Variants in ZNF638 observed in about 807,000 individuals in gnomAD.
The protein encoded by ZNF638 is zinc finger protein 638.
In ZNF638, 46 loss-of-function variants were observed where a neutral mutation model predicts 195.6. The ratio of observed to expected loss-of-function variants is 0.24; its 90% CI spans 0.19 to 0.30. The LOEUF (loss-of-function observed/expected upper bound fraction) is 0.30, where lower values mean the gene tolerates loss of function less well. Among genes scored for constraint, ZNF638 ranks in the 10% least tolerant of loss-of-function variants. The probability of loss-of-function intolerance (pLI) is 1.00; values close to 1 mark genes in which losing one functional copy is unlikely to be tolerated. For missense variants in ZNF638, 2,440 were observed against 2,325.3 expected (o/e 1.05, Z -1.01); for synonymous variants, 845 against 772.0 (o/e 1.09, Z -1.57).
chr2:71,390,258 G>A (rs1057224102), intron 10 of ZNF638, among the ~76,000 whole-genome samples: 6 of 152,170 alleles, frequency 3.9e-5, no homozygotes, highest in Non-Finnish European at 2.9e-5. Flanking sequence ...GGCTTTCCTC[G>A]GTCAATTGGA....
At chr2:71,344,160 C>T (rs960297632) in intron 1 of ZNF638, among the ~76,000 whole-genome samples, 3 of 152,136 alleles carry the variant, frequency 2.0e-5, no homozygotes, top group Non-Finnish European at 4.4e-5. Flanking sequence ...AACAGCTTGC[C>T]CTCTACTTTT....
At chr2:71,384,736 C>G (rs981089286) in intron 10 of ZNF638, among the ~76,000 whole-genome samples, 2 of 148,996 alleles carry the variant, frequency 1.3e-5, no homozygotes, top group African/African-American at 5.2e-5. Context: ...ATAATATGTC[C>G]CCTTTTCTTT....
At chr2:71,331,915 C>T (rs1353989740) in intron 1 of ZNF638, 40 bp downstream of exon 1, 10 of 985,940 alleles carry the variant, frequency 1.0e-5, no homozygotes, top group Non-Finnish European at 1.1e-5. Context: ...GGTTGGAAGG[C>T]GGAGGCCGGT....
chr2:71,428,472 A>G, intron 24 of ZNF638, 75 bp from the exon 25 acceptor site: 2 of 1,334,032 alleles, frequency 1.5e-6, no homozygotes, highest in Non-Finnish European at 2.1e-6. Context: ...GTTGATTCAG[A>G]CAGTATAATA....
In ZNF638 at chr2:71,404,086, T is replaced by C. The variant is rs2080057325; in HGVS notation, c.2958+88T>C. The C allele has an allele frequency of 5.8e-6, 8 of 1,369,254 alleles. No individual in the cohort carries two copies. The South Asian group carries it at 6.1e-5, about 10-fold the overall frequency. 84.8% of individuals were successfully genotyped at this position (1,369,254 alleles called of 1,614,324 possible). A position where few individuals can be genotyped will look rare whatever the true frequency, so the allele number is the denominator to read the frequency against. On this transcript the variant is annotated intron_variant, in intron 17 of 27. Transcript: ENST00000264447. ...TGTTATGTTTTCTAGTTTTCCACTT[T>C]GGTTCACATTTTTCTCACAGACACT...
chr2:71,392,583 T>C (rs1013890928), intron 10 of ZNF638, among the ~76,000 whole-genome samples: 7 of 152,126 alleles, frequency 4.6e-5, no homozygotes, highest in African/African-American at 1.7e-4. Flanking sequence ...TTATCACACA[T>C]ATTCGAGCAC....
chr2:71,427,368 T>A lies in ZNF638; in HGVS notation c.5499T>A (p.Asn1833Lys), dbSNP rs2080560233. 1 of 1,589,120 alleles carries A rather than the reference T, an allele frequency of 6.3e-7. No homozygotes were observed. Among genetic ancestry groups the A allele is most frequent in the South Asian group, 1.2e-5 (1 of 85,982 alleles). Residue 1833 changes from asparagine to lysine, a missense_variant, in exon 24 of 28, where the codon AAT (asparagine) becomes AAA (lysine). Transcript: ENST00000264447. The stretch of plus-strand genomic sequence containing the variant: ...CCCAAGTGGGTCCAGTAAATGAGAA[T>A]GTTATGGAAGAAGATCTAAAAACCA... ...SLSQVGPVNE[N>K]VMEEDLKTMI...
intron 10 of ZNF638, among the ~76,000 whole-genome samples, chr2:71,385,033 A>C (rs2079609196): frequency 6.6e-6 from 1 of 152,166 alleles, no homozygotes; most frequent in South Asian, 2.1e-4. Flanking sequence ...AGCTTCCTGT[A>C]AAAGGGGAAA....
chr2:71,428,393 ATTC>A (rs1031104201), intron 24 of ZNF638, 151 bp from the exon 25 acceptor site: 16 of 513,046 alleles, frequency 3.1e-5, no homozygotes, highest in African/African-American at 1.7e-4. Context: ...TTAAAATAGA[ATTC>A]TTCTATTTTA....
Position 71,378,719 on chromosome 2 carries a change from T to G in ZNF638, c.2266-1503T>G, listed in dbSNP as rs374548614. Among the ~76,000 whole-genome samples the G allele has an allele frequency of 2.0e-4, 31 of 152,306 alleles. 1 individual carries two copies. Among genetic ancestry groups the G allele is most frequent in the African/African-American group, 7.5e-4 (31 of 41,574 alleles). On this transcript the variant is annotated intron_variant, in intron 8 of 27. Transcript: ENST00000264447. The stretch of plus-strand genomic sequence containing the variant: ...TGGGGAATGAAGAGCTGTGCAACTT[T>G]CAGTAAGTTAGTTGGGGAAGATCTC...
Position 71,349,679 on chromosome 2 carries a change from T to G in ZNF638, c.725T>G (p.Phe242Cys). The change falls in exon 2 of 28, where the codon TTT becomes TGT. Residue 242 changes from phenylalanine (F) to cysteine (C), a missense_variant. Phe to Cys is a radical substitution (Grantham distance 205, BLOSUM62 -2). Transcript: ENST00000264447. ...CCAACTGATGAGGTCGAGAATGAAT[T>G]TCAGTCACAGCAGAACATTTCTGCA... ...EIPTDEVENE[F>C]QSQQNISASV... 1.2e-6 allele frequency: 2 copies of G among 1,614,174 alleles called. No individual in the cohort carries two copies. The highest frequency in any genetic ancestry group is 1.7e-6 in the Non-Finnish European group (2 of 1,180,026).
intron 3 of ZNF638, among the ~76,000 whole-genome samples, chr2:71,360,906 T>C (rs1410936745): frequency 6.6e-6 from 1 of 152,222 alleles, no homozygotes; most frequent in Non-Finnish European, 1.5e-5. Context: ...GCTTGCAGAA[T>C]GTATACATGC....
intron 10 of ZNF638, among the ~76,000 whole-genome samples, chr2:71,384,126 A>G (rs1204165832): frequency 2.0e-5 from 3 of 152,096 alleles, no homozygotes; most frequent in Non-Finnish European, 4.4e-5. Flanking sequence ...TCAGTGGCGG[A>G]TCCATATTAG....
intron 1 of ZNF638, among the ~76,000 whole-genome samples, chr2:71,339,051 T>G (rs978020320): frequency 3.3e-5 from 5 of 152,212 alleles, no homozygotes; most frequent in African/African-American, 1.2e-4. Context: ...TTTTCCTGTT[T>G]TCCTTTTTTG....
chr2:71,394,776 T>C (rs979765317), intron 10 of ZNF638, among the ~76,000 whole-genome samples: 3 of 152,306 alleles, frequency 2.0e-5, no homozygotes, highest in East Asian at 3.9e-4. Flanking sequence ...TATTACTGAA[T>C]CAGTACAAAT....
chr2:71,346,396 C>G (rs2078851135), intron 1 of ZNF638, among the ~76,000 whole-genome samples: 1 of 152,136 alleles, frequency 6.6e-6, no homozygotes, highest in Admixed American at 6.5e-5. Context: ...TACAAATGAA[C>G]TTTTTAACAG....
At chr2:71,432,976 A>G (rs954788350) in intron 26 of ZNF638, among the ~76,000 whole-genome samples, 189 bp from the exon 27 acceptor site, 2 of 152,220 alleles carry the variant, frequency 1.3e-5, no homozygotes, top group Non-Finnish European at 2.9e-5. Context: ...AATCCTAGCT[A>G]TTCGGGAGCC....
rs371330004 is a variant in ZNF638, at chr2:71,406,138, A to G, written c.3011A>G (p.Asp1004Gly). 6.2e-7 allele frequency: 1 copy of G among 1,613,656 alleles called. No homozygotes were observed. Among genetic ancestry groups the G allele is most frequent in the Non-Finnish European group, 8.5e-7 (1 of 1,179,716 alleles). The change falls in exon 19 of 28, where the codon GAT becomes GGT. Residue 1004 changes from aspartate to glycine, a missense_variant. Asp to Gly is a moderately conservative substitution (Grantham distance 94). This residue lies in a region of ZNF638 where 1,883 missense variants were observed against 1,739.1 expected (regional missense o/e 1.08). Coordinates refer to ENST00000264447, the MANE Select transcript of ZNF638 (RefSeq NM_014497.5). ...VKENDPEANI[D>G]TIYDRFVHLD... ...CTTAAAAAACTACAGGCAAACATAG[A>G]TACAATTTATGATCGATTTGTACAT...
chr2:71,401,487 C>A (rs1456571168), intron 15 of ZNF638, among the ~76,000 whole-genome samples: 2 of 151,998 alleles, frequency 1.3e-5, no homozygotes, highest in African/African-American at 4.8e-5. Context: ...GATATTATCA[C>A]AAGGCACAGG....
Sources: allele counts gnomAD v4.1 joint callset (sites outside exome capture counted in the v4.1 genomes callset), GRCh38; gene constraint gnomAD v4.1.1; regional missense constraint gnomAD v4.1.1; transcripts MANE v1.5; gene names NCBI Gene and HGNC (gene_info 2026-07-23, HGNC 2026-07-21).